Variants in CLEC16A observed in about 807,000 individuals in gnomAD.
CLEC16A encodes the protein C-type lectin domain containing 16A, also known as protein CLEC16A.
Under a neutral mutation model 109.5 loss-of-function variants are expected in CLEC16A, and 51 were observed. The observed-to-expected ratio is 0.47, with a 90% CI of 0.37 to 0.59. CLEC16A has a LOEUF of 0.59. Ranked by LOEUF, CLEC16A falls within the 20% of genes least tolerant of loss-of-function variation. The pLI is 0.00. For missense variants in CLEC16A, 1,339 were observed against 1,394.0 expected (o/e 0.96, Z 0.63); for synonymous variants, 673 against 564.2 (o/e 1.19, Z -2.73).
At chr16:11,146,142 CAG>C (rs1358545178) in intron 22 of CLEC16A, among the ~76,000 whole-genome samples, 1 of 152,194 alleles carries the variant, frequency 6.6e-6, no homozygotes, top group Non-Finnish European at 1.5e-5. Context: ...CTCACCATCT[CAG>C]AAGGTCTTGC....
At chr16:11,098,239 A>C (rs762415086) in intron 19 of CLEC16A, among the ~76,000 whole-genome samples, 26 of 152,236 alleles carry the variant, frequency 1.7e-4, no homozygotes, top group Non-Finnish European at 3.5e-4. Flanking sequence ...CAGAAAAGCC[A>C]GAAGATGGAG....
chr16:11,108,968 A>G (rs1185353341), intron 19 of CLEC16A, among the ~76,000 whole-genome samples: 1 of 151,874 alleles, frequency 6.6e-6, no homozygotes, highest in Non-Finnish European at 1.5e-5. Context: ...CAAATTAGCC[A>G]GGCGTGGTGG....
At chr16:10,966,486 C>T (rs1484173287) in intron 3 of CLEC16A, among the ~76,000 whole-genome samples, 2 of 152,078 alleles carry the variant, frequency 1.3e-5, no homozygotes, top group Non-Finnish European at 2.9e-5. Context: ...GTGCTTACAC[C>T]GTGTGTATAT....
At chr16:11,023,017 A>G (rs915171530) in intron 12 of CLEC16A, among the ~76,000 whole-genome samples, 5 of 150,520 alleles carry the variant, frequency 3.3e-5, no homozygotes, top group African/African-American at 1.2e-4. Flanking sequence ...GCAAAATCTT[A>G]AAAAGCATAA....
chr16:11,095,909 C>A (rs1012119723), intron 19 of CLEC16A, among the ~76,000 whole-genome samples: 1 of 151,740 alleles, frequency 6.6e-6, no homozygotes, highest in Non-Finnish European at 1.5e-5. Context: ...TTAATGGACT[C>A]AAACTCCTGG....
chr16:11,001,897 A>G (rs1233729294), intron 10 of CLEC16A, among the ~76,000 whole-genome samples: 2 of 152,042 alleles, frequency 1.3e-5, no homozygotes, highest in Non-Finnish European at 2.9e-5. Flanking sequence ...CTTTCTAATG[A>G]GAGCCAGAAT....
chr16:10,994,327 G>A (rs1347119421), intron 10 of CLEC16A, among the ~76,000 whole-genome samples: 3 of 152,144 alleles, frequency 2.0e-5, no homozygotes, highest in African/African-American at 4.8e-5. Flanking sequence ...ACAGCTCCAC[G>A]CGGCTCCTGG....
chr16:11,038,471 A>C (rs2047144745), intron 13 of CLEC16A, among the ~76,000 whole-genome samples: 1 of 152,224 alleles, frequency 6.6e-6, no homozygotes, highest in Non-Finnish European at 1.5e-5. Flanking sequence ...AGGAGTTTGA[A>C]GACCTCTTAC....
intron 21 of CLEC16A, among the ~76,000 whole-genome samples, chr16:11,124,747 A>C (rs1260748452): frequency 6.6e-6 from 1 of 152,158 alleles, no homozygotes; most frequent in African/African-American, 2.4e-5. Context: ...AGAGGATTTT[A>C]AGCCTACCTG....
rs115116036 is a variant in CLEC16A at position 11,164,371 on chromosome 16, A to G, written c.2642-2017A>G. On this transcript the variant is annotated intron_variant, in intron 22 of 23. Coordinates refer to ENST00000409790, the MANE Select transcript of CLEC16A (RefSeq NM_015226.3). ...TTTTAAGGAGCTGATCTTTAGACGA[A>G]AACAGCTTCACATGAACCTGAGTGG... Among the ~76,000 whole-genome samples the G allele has an allele frequency of 1.7e-3, 257 of 152,336 alleles. 1 individual carries two copies. Among genetic ancestry groups the G allele is most frequent in the African/African-American group, 5.9e-3 (246 of 41,568 alleles).
Position 11,076,130 on chromosome 16 carries a change from C to G in CLEC16A, c.2116+15108C>G, listed in dbSNP as rs569689115. On this transcript the variant is annotated intron_variant, in intron 19 of 23. Transcript: ENST00000409790. Reference sequence around the variant, plus strand: ...AGCTTCCTCCTCTGCCCTTTCCACACCAACAGCCAGTAGAATCCTTTTAAA... The same window carrying G: ...AGCTTCCTCCTCTGCCCTTTCCACAGCAACAGCCAGTAGAATCCTTTTAAA... Among the ~76,000 whole-genome samples, 3 of 152,288 alleles carry G rather than the reference C, an allele frequency of 2.0e-5. No individual in the cohort carries two copies. The South Asian group carries it at 6.2e-4, about 32-fold the overall frequency.
chr16:11,003,572 G>A (rs1051251464), intron 11 of CLEC16A, among the ~76,000 whole-genome samples: 3 of 152,208 alleles, frequency 2.0e-5, no homozygotes, highest in South Asian at 2.1e-4. Flanking sequence ...TATTAAAGGA[G>A]GGTAACAAAT....
In CLEC16A at chr16:11,118,908, G is replaced by A. The variant is rs117439320; in HGVS notation, c.2117-1707G>A. Among the ~76,000 whole-genome samples, 431 of 152,294 alleles carry A rather than the reference G, an allele frequency of 2.8e-3. 2 individuals carry two copies. The highest frequency in any genetic ancestry group is 4.8e-3 in the Non-Finnish European group (329 of 68,014). ...TTGAAGATGGTGTTCTTTCCCCAGC[G>A]TATGTTCTTATCAGTTTCATTGAAG... is the stretch of plus-strand genomic sequence containing the variant. On this transcript the variant is annotated intron_variant, in intron 19 of 23. Coordinates refer to ENST00000409790, the MANE Select transcript of CLEC16A (RefSeq NM_015226.3).
intron 19 of CLEC16A, among the ~76,000 whole-genome samples, chr16:11,113,495 C>T (rs1045291759): frequency 6.6e-6 from 1 of 151,826 alleles, no homozygotes; most frequent in Non-Finnish European, 1.5e-5. Context: ...CCCATCTCTA[C>T]AAAAAATAAA....
chr16:11,158,721 G>C (rs561748470), intron 22 of CLEC16A, among the ~76,000 whole-genome samples: 1 of 152,060 alleles, frequency 6.6e-6, no homozygotes, highest in South Asian at 2.1e-4. Context: ...TCAGGAGTTC[G>C]AGGCCAGCCT....
intron 10 of CLEC16A, among the ~76,000 whole-genome samples, chr16:10,983,765 C>T (rs1239493121): frequency 6.6e-6 from 1 of 152,112 alleles, no homozygotes; most frequent in Non-Finnish European, 1.5e-5. Flanking sequence ...GCTTTTCCCC[C>T]AGCATGTCCA....
At chr16:11,132,634 G>A (rs1047212978) in intron 22 of CLEC16A, among the ~76,000 whole-genome samples, 23 of 152,196 alleles carry the variant, frequency 1.5e-4, no homozygotes, top group East Asian at 7.7e-4. Flanking sequence ...TTGCCAGACC[G>A]TTTTCCCATG....
chr16:11,055,603 T>G (rs1156865955), intron 18 of CLEC16A, among the ~76,000 whole-genome samples: 1 of 140,000 alleles, frequency 7.1e-6, no homozygotes, highest in African/African-American at 2.8e-5. Context: ...TTTTTTTTTT[T>G]TTTGAGACGA....
At chr16:11,090,054 A>G (rs2050218529) in intron 19 of CLEC16A, among the ~76,000 whole-genome samples, 1 of 152,108 alleles carries the variant, frequency 6.6e-6, no homozygotes, top group Admixed American at 6.5e-5. Flanking sequence ...GTCGTTGTTT[A>G]TTTTAAAATA....
Sources: allele counts gnomAD v4.1 joint callset (sites outside exome capture counted in the v4.1 genomes callset), GRCh38; gene constraint gnomAD v4.1.1; transcripts MANE v1.5; gene names NCBI Gene and HGNC (gene_info 2026-07-23, HGNC 2026-07-21).